RARB: variants seen among roughly 807,000 people sequenced by gnomAD.
RARB encodes the protein retinoic acid receptor beta, also known as HBV-activated protein.
RARB carries 17 observed loss-of-function variants against 51.9 expected under a neutral mutation model. The observed-to-expected ratio is 0.33, with a 90% CI of 0.22 to 0.49. RARB has a LOEUF of 0.49. Among genes scored for constraint, RARB ranks in the 20% least tolerant of loss-of-function variants. The pLI, the probability that RARB is intolerant of heterozygous loss-of-function variation, is 0.99. For synonymous variants in RARB, 215 were observed against 195.4 expected, an observed-to-expected ratio of 1.10 and a Z score of -0.84; for missense variants, 369 against 550.8, an observed-to-expected ratio of 0.67 and a Z score of 3.30.
chr3:25,084,429 C>T (rs114825164), intron 3 of RARB, among the ~76,000 whole-genome samples: 39 of 150,722 alleles, frequency 2.6e-4, no homozygotes, highest in Middle Eastern at 3.4e-3. Context: ...TTTTTTTTTG[C>T]TATTTGTAAT....
intron 5 of RARB, among the ~76,000 whole-genome samples, chr3:25,255,076 T>C (rs1030908416): frequency 6.6e-6 from 1 of 152,192 alleles, no homozygotes; most frequent in Non-Finnish European, 1.5e-5. Flanking sequence ...TCAGGCTTAC[T>C]GACCAGTTTA....
chr3:25,019,478 T>C (rs1344095832), intron 2 of RARB, among the ~76,000 whole-genome samples: 3 of 152,124 alleles, frequency 2.0e-5, no homozygotes, highest in Non-Finnish European at 4.4e-5. Flanking sequence ...TGATGCCAAA[T>C]TCCCTTTTTT....
At chr3:25,063,142 C>G (rs927036827) in intron 3 of RARB, among the ~76,000 whole-genome samples, 3 of 151,872 alleles carry the variant, frequency 2.0e-5, no homozygotes, top group Non-Finnish European at 4.4e-5. Flanking sequence ...TGTAACACCC[C>G]CTTTTGAATA....
chr3:25,047,069 A>G (rs1473006505), intron 2 of RARB, among the ~76,000 whole-genome samples: 1 of 152,156 alleles, frequency 6.6e-6, no homozygotes, highest in Admixed American at 6.5e-5. Context: ...CCAGTGTCTC[A>G]TGTGGCAAAT....
At chr3:25,558,714 C>T (rs1700156600) in intron 3 of RARB, among the ~76,000 whole-genome samples, 3 of 152,058 alleles carry the variant, frequency 2.0e-5, no homozygotes, top group Non-Finnish European at 2.9e-5. Flanking sequence ...CCCCCTCAAA[C>T]CAAATTCATC....
chr3:25,294,592 G>A (rs1575290534), intron 5 of RARB, among the ~76,000 whole-genome samples: 1 of 152,262 alleles, frequency 6.6e-6, no homozygotes, highest in African/African-American at 2.4e-5. Flanking sequence ...TGCTGTTGGA[G>A]GTTAAGATCT....
At chr3:25,112,746 C>G (rs756837999) in intron 3 of RARB, among the ~76,000 whole-genome samples, 1 of 152,128 alleles carries the variant, frequency 6.6e-6, no homozygotes, top group Non-Finnish European at 1.5e-5. Flanking sequence ...CCACTGCACT[C>G]CAGCCTGGGT....
At chr3:24,829,972 C>T (rs1340018693) in intron 1 of RARB, among the ~76,000 whole-genome samples, 1 of 152,168 alleles carries the variant, frequency 6.6e-6, no homozygotes, top group African/African-American at 2.4e-5. Flanking sequence ...TGCTTTGGGG[C>T]CGAAGAAAGG....
rs1364462708 is a variant in RARB, at chr3:25,146,503, G to GTTTTTT, written c.-280+14298_-280+14299insTTTTTT. Among the ~76,000 whole-genome samples the GTTTTTT allele has an allele frequency of 2.2e-3, 165 of 73,518 alleles. 2 individuals carry two copies. Among genetic ancestry groups the GTTTTTT allele is most frequent in the African/African-American group, 4.2e-3 (110 of 26,056 alleles). 48.2% of individuals were successfully genotyped at this position (73,518 alleles called of 152,430 possible). A position where few individuals can be genotyped will look rare whatever the true frequency, so the allele number is the denominator to read the frequency against. ...CTATAATTTGCTAAGTTTTTTGTTT[G>GTTTTTT]TTTGTTTGTTTTTTTTTTTTTGAGA... On this transcript the variant is annotated intron_variant, in intron 4 of 11. Transcript: ENST00000383772.
intron 5 of RARB, among the ~76,000 whole-genome samples, chr3:25,280,562 G>A (rs1703498660): frequency 6.6e-6 from 1 of 152,136 alleles, no homozygotes; most frequent in Admixed American, 6.6e-5. Flanking sequence ...GGTATTGGGT[G>A]TCAAATAATT....
intron 5 of RARB, among the ~76,000 whole-genome samples, chr3:25,328,248 A>G (rs1704783209): frequency 6.6e-6 from 1 of 152,246 alleles, no homozygotes. Flanking sequence ...GGCCGGGTGC[A>G]GTGGCTTACG....
At chr3:25,513,321 A>G (rs887418276) in intron 3 of RARB, among the ~76,000 whole-genome samples, 18 of 151,946 alleles carry the variant, frequency 1.2e-4, no homozygotes, top group African/African-American at 4.1e-4. Flanking sequence ...GGGAGAGAGA[A>G]AGAAGGAAAG....
chr3:24,838,594 G>C (rs1034559643), intron 1 of RARB, among the ~76,000 whole-genome samples: 2 of 152,196 alleles, frequency 1.3e-5, no homozygotes, highest in Admixed American at 1.3e-4. Context: ...AGCCACTGCA[G>C]AGTAAAGATA....
chr3:25,427,447 C>T (rs1226087759), upstream of RARB, among the ~76,000 whole-genome samples: 1 of 152,210 alleles, frequency 6.6e-6, no homozygotes, highest in African/African-American at 2.4e-5. Context: ...AGTGGCAGAC[C>T]TGGAATTGGA....
At chr3:25,468,691 T>C (rs1487754274) in intron 2 of RARB, among the ~76,000 whole-genome samples, 1 of 152,142 alleles carries the variant, frequency 6.6e-6, no homozygotes, top group Non-Finnish European at 1.5e-5. Flanking sequence ...AAAAAACATA[T>C]TGTCTTGATC....
chr3:24,832,404 A>T (rs1702293939), intron 1 of RARB, among the ~76,000 whole-genome samples: 2 of 151,956 alleles, frequency 1.3e-5, no homozygotes, highest in South Asian at 4.1e-4. Context: ...AGAGAAAAAA[A>T]ATTTTTAAGT....
chr3:24,938,769 C>G (rs1005437581), intron 2 of RARB, among the ~76,000 whole-genome samples: 3 of 152,128 alleles, frequency 2.0e-5, no homozygotes, highest in African/African-American at 7.2e-5. Context: ...TTCTTTGTCT[C>G]TATGAATTTG....
Position 25,451,507 on chromosome 3 carries a change from A to G in RARB, c.158-9686A>G, listed in dbSNP as rs145548608. Among the ~76,000 whole-genome samples the G allele has an allele frequency of 7.2e-5, 11 of 152,360 alleles. No individual in the cohort carries two copies. In the East Asian group the frequency reaches 2.1e-3, roughly 29 times the overall value. ...TCAAAGTTATTTTGAGGCTGTTCAT[A>G]TGGTGCATACCTGTAAGAAACAAAA... On this transcript the variant is annotated intron_variant, in intron 1 of 7. Transcript: ENST00000330688.
chr3:25,164,022 AG>A (rs1352115758), intron 4 of RARB, among the ~76,000 whole-genome samples: 3 of 152,170 alleles, frequency 2.0e-5, no homozygotes, highest in African/African-American at 7.2e-5. Context: ...ACAGACTACA[AG>A]GAGTGCAGAC....
Sources: gnomAD v4.1 joint callset for allele counts (sites outside exome capture counted in the v4.1 genomes callset) on GRCh38, gnomAD v4.1.1 for gene constraint, MANE v1.5 for transcripts, NCBI Gene and HGNC (gene_info 2026-07-23, HGNC 2026-07-21) for gene names.